IPO4: variants seen among roughly 807,000 people sequenced by gnomAD.
IPO4 encodes the protein importin-4.
A neutral mutation model predicts 133.5 loss-of-function variants in IPO4; 91 were observed. The ratio of observed to expected loss-of-function variants is 0.68; its 90% CI spans 0.58 to 0.81. IPO4 has a LOEUF of 0.81. Ranked by LOEUF, IPO4 falls within the 30% of genes least tolerant of loss-of-function variation. IPO4 has a pLI of 0.00. For synonymous variants in IPO4, 607 were observed against 581.6 expected (o/e 1.04, Z -0.63); for missense variants, 1,279 against 1,386.2 (o/e 0.92, Z 1.23).
At position 24,186,259 on chromosome 14, in the gene IPO4, TC is replaced by T. The variant is rs765234424; in HGVS notation, c.1005+27del. 3 of 1,599,482 alleles carry T rather than the reference TC, an allele frequency of 1.9e-6. No individual in the cohort carries two copies. The African/African-American group carries it at 4.0e-5, about 22-fold the overall frequency. ...AACGTCCCACAGCCACCTAACACCT[TC>T]CCCCTCTGTCCTGCCCCACATCTCA... On this transcript the variant is annotated intron_variant, in intron 10 of 29. Transcript: ENST00000354464.
chr14:24,181,701 C>T lies in IPO4; in HGVS notation c.2940+10G>A. The T allele has an allele frequency of 6.2e-7, 1 of 1,605,812 alleles. No homozygotes were observed. The highest frequency in any genetic ancestry group is 1.7e-4 in the Middle Eastern group (1 of 6,018). On this transcript the variant is annotated intron_variant, in intron 27 of 29. Coordinates refer to ENST00000354464, the MANE Select transcript of IPO4 (RefSeq NM_024658.4). ...GCTTCCAAGCCCTGCCTGATGTCTC[C>T]CTCCCTCACCTGGGGCTCTGGTTTC...
chr14:24,185,377 T>C (rs1249298238), intron 13 of IPO4, 65 bp from the exon 14 acceptor site: 2 of 1,612,508 alleles, frequency 1.2e-6, no homozygotes, highest in African/African-American at 1.3e-5. Flanking sequence ...AGAGTGCTGA[T>C]GGCAGCAGGG....
In IPO4 at chr14:24,180,446, G is replaced by A. The variant is rs1352807870; in HGVS notation, c.3242C>T (p.Ser1081Phe). The change falls in exon 30 of 30, where the codon TCC (serine) becomes TTC (phenylalanine). Residue 1081 changes from serine (S) to phenylalanine (F), a missense_variant. Physicochemically the swap from Ser to Phe is radical, Grantham distance 155 (BLOSUM62 -2). Coordinates refer to ENST00000354464, the MANE Select transcript of IPO4 (RefSeq NM_024658.4). ...GGACTGGCTGCAGCCTGCAGTCTAGGAGAGGCCCAGTACAGCCTGGAGCTC... is the reference window on the plus strand; with the variant it reads ...GGACTGGCTGCAGCCTGCAGTCTAGAAGAGGCCCAGTACAGCCTGGAGCTC... ...AQELQAVLGL[S>F] is the part of the protein sequence containing the mutation. The A allele has an allele frequency of 1.2e-6, 2 of 1,609,526 alleles. No homozygotes were observed. The highest frequency in any genetic ancestry group is 1.7e-5 in the Admixed American group (1 of 59,740).
rs189462005 is a variant in IPO4 at position 24,185,503 on chromosome 14, T to C, written c.1234A>G (p.Asn412Asp). Reference protein sequence around the residue: ...GLEDPSQVVRNAALFALGQFS... With the variant: ...GLEDPSQVVRDAALFALGQFS... The stretch of plus-strand genomic sequence containing the variant: ...TGGCCCAGGGCAAACAGCGCAGCAT[T>C]GCGTACAACTTGCGAGGGGTCCTCC... Residue 412 changes from asparagine to aspartate, a missense_variant, in exon 13 of 30, where the codon AAT becomes GAT. Physicochemically the swap from Asn to Asp is conservative, Grantham distance 23. Around this residue, in one of 3 missense-constraint regions of IPO4, gnomAD observed 695 missense variants for 704.1 expected, o/e 0.99. Coordinates refer to ENST00000354464, the MANE Select transcript of IPO4 (RefSeq NM_024658.4). 2.0e-5 allele frequency: 33 copies of C among 1,614,220 alleles called. No homozygotes were observed. The highest frequency in any genetic ancestry group is 6.7e-5 in the Admixed American group (4 of 60,032).
chr14:24,180,844 TCTTATCA>T (rs2039124631), intron 28 of IPO4, 86 bp from the exon 29 acceptor site: 3 of 1,087,440 alleles, frequency 2.8e-6, no homozygotes, highest in African/African-American at 1.6e-5. Context: ...TGGCAGAATC[TCTTATCA>T]GGGGGGTGGT....
Position 24,185,231 on chromosome 14 carries a change from G to A in IPO4, c.1360C>T (p.His454Tyr). The change falls in exon 14 of 30, where the codon CAC becomes TAC. Residue 454 changes from histidine to tyrosine, a missense_variant. Around this residue, in one of 3 missense-constraint regions of IPO4, gnomAD observed 695 missense variants for 704.1 expected, o/e 0.99. Transcript: ENST00000354464. ...AGGGCATAGCAGGCCTTGGCTAGGT[G>A]GTGTGTGTGTCCAAGAGGCACCGAC... ...LKSVPLGHTHHLAKACYALEN... is the reference protein window; with the variant it reads ...LKSVPLGHTHYLAKACYALEN... 1 of 1,614,152 alleles carries A rather than the reference G, an allele frequency of 6.2e-7. No individual in the cohort carries two copies.
chr14:24,180,273 T>C lies in IPO4; in HGVS notation c.*169A>G. On this transcript the variant is annotated 3_prime_UTR_variant, in exon 30 of 30. Transcript: ENST00000354464. ...TATTACAGTATGATGTCATGACTCA[T>C]TTGTAACAGATCCAGCCTCAGGGAC... 6.5e-7 allele frequency: 1 copy of C among 1,534,892 alleles called. No individual in the cohort carries two copies. The highest frequency in any genetic ancestry group is 1.2e-5 in the South Asian group (1 of 83,462).
chr14:24,187,103 A>C lies in IPO4; in HGVS notation c.636T>G (p.Thr212=), dbSNP rs774831338. ...LVPKLIMAMQ[T]LIPIDEAKAC... is the part of the protein sequence containing the mutation. The stretch of plus-strand genomic sequence containing the variant: ...TCCTCACCTCATCTATGGGGATCAG[A>C]GTCTGCATGGCCATGATCAGCTTGG... The change falls in exon 7 of 30, where the codon ACT becomes ACG. Residue 212 remains threonine, a synonymous_variant. Transcript: ENST00000354464. 30 of 1,613,926 alleles carry C rather than the reference A, an allele frequency of 1.9e-5. No homozygotes were observed. The African/African-American group carries it at 3.9e-4, about 21-fold the overall frequency.
At position 24,180,531 on chromosome 14, in the gene IPO4, T is replaced by C; in HGVS notation, c.3157A>G (p.Lys1053Glu). 2 of 1,614,112 alleles carry C rather than the reference T, an allele frequency of 1.2e-6. No homozygotes were observed. Among genetic ancestry groups the C allele is most frequent in the Non-Finnish European group, 1.7e-6 (2 of 1,179,990 alleles). Reference protein sequence around the residue: ...ALLLLLTFLAKQHTDSFQAAL... With the variant: ...ALLLLLTFLAEQHTDSFQAAL... Reference sequence around the variant, plus strand: ...GCTTGAAAGCTGTCGGTGTGCTGTTTGGCCAGGAACGTCAGGAGCAGCAAC... The same window carrying C: ...GCTTGAAAGCTGTCGGTGTGCTGTTCGGCCAGGAACGTCAGGAGCAGCAAC... Residue 1053 changes from lysine (K) to glutamate (E), a missense_variant, in exon 30 of 30, where the codon AAA becomes GAA. By Grantham distance (56) the Lys-to-Glu change is moderately conservative. Around this residue, in one of 3 missense-constraint regions of IPO4, gnomAD observed 575 missense variants for 653.4 expected, o/e 0.88. Coordinates refer to ENST00000354464, the MANE Select transcript of IPO4 (RefSeq NM_024658.4).
At position 24,188,332 on chromosome 14, in the gene IPO4, G is replaced by A; in HGVS notation, c.236+12C>T. 6.2e-7 allele frequency: 1 copy of A among 1,610,650 alleles called. No homozygotes were observed. The highest frequency in any genetic ancestry group is 8.5e-7 in the Non-Finnish European group (1 of 1,177,580). ...CTCCGCCTGGCCCCGCCCCACCCCA[G>A]GCCCAGCCCACCTCTCCCGTTGCTC... On this transcript the variant is annotated intron_variant, in intron 3 of 29. Transcript: ENST00000354464.
At chr14:24,188,154 A>C (rs1484396355) in intron 4 of IPO4, 62 bp downstream of exon 4, 13 of 1,555,284 alleles carry the variant, frequency 8.4e-6, no homozygotes, top group Non-Finnish European at 1.1e-5. Context: ...CTGGAGCCGA[A>C]AAGGAAGGCA....
chr14:24,184,206 C>A, intron 17 of IPO4, 92 bp downstream of exon 17: 1 of 1,558,212 alleles, frequency 6.4e-7, no homozygotes, highest in African/African-American at 1.4e-5. Flanking sequence ...CCAAACCAGA[C>A]GACTGGAGTC....
chr14:24,186,818 G>A (rs750820007), intron 8 of IPO4, 27 bp from the exon 9 acceptor site: 15 of 1,612,706 alleles, frequency 9.3e-6, no homozygotes, highest in South Asian at 4.4e-5. Context: ...AAAAATCAGC[G>A]ACAGGGAAGG....
intron 25 of IPO4, 40 bp from the exon 26 acceptor site, chr14:24,182,203 G>T: frequency 6.2e-7 from 1 of 1,613,758 alleles, no homozygotes; most frequent in Non-Finnish European, 8.5e-7. Flanking sequence ...ATCAGCCTGG[G>T]CCAAGGATAA....
intron 18 of IPO4, 26 bp downstream of exon 18, chr14:24,183,972 G>GGGGCCCCCC: frequency 1.9e-6 from 3 of 1,573,224 alleles, no homozygotes; most frequent in South Asian, 1.1e-5. Context: ...GGCAGGCCTG[G>GGGGCCCCCC]CCCAGCCCAC....
chr14:24,188,719 C>T lies in IPO4; in HGVS notation c.69G>A (p.Arg23=). ...TGGCCCGGTTACGCCTGCTCCGTAC[C>T]CGACGGATGCGCTCGGTGTCCGGTA... is the stretch of plus-strand genomic sequence containing the variant. The part of the protein sequence containing the change: ...LLLPDTERIR[R]ATEQLQIVLR... Residue 23 remains arginine (R), a splice_region_variant and synonymous_variant, in exon 1 of 30, where the codon CGG becomes CGA. Coordinates refer to ENST00000354464, the MANE Select transcript of IPO4 (RefSeq NM_024658.4). 1.3e-6 allele frequency: 2 copies of T among 1,570,294 alleles called. No individual in the cohort carries two copies. The highest frequency in any genetic ancestry group is 1.7e-6 in the Non-Finnish European group (2 of 1,155,196).
rs2138819811 is a variant in IPO4, at chr14:24,187,408, C to T, written c.580G>A (p.Glu194Lys). ...LTTMAPYLST[E>K]DVPLARMLVP... ...GAGGGCCCACATCTCACCACATCTT[C>T]AGTGCTGAGGTAGGGAGCCATGGTG... is the stretch of plus-strand genomic sequence containing the variant. Residue 194 changes from glutamate (E) to lysine (K), a missense_variant, in exon 6 of 30, where the codon GAA (glutamate) becomes AAA (lysine). Physicochemically the swap from Glu to Lys is moderately conservative, Grantham distance 56. Transcript: ENST00000354464. 6.2e-7 allele frequency: 1 copy of T among 1,614,074 alleles called. No individual in the cohort carries two copies. The highest frequency in any genetic ancestry group is 2.2e-5 in the East Asian group (1 of 44,890).
rs77893615 is a variant in IPO4, at chr14:24,183,676, A to G, written c.1986-9T>C. On this transcript the variant is annotated splice_polypyrimidine_tract_variant and intron_variant, in intron 19 of 29. Coordinates refer to ENST00000354464, the MANE Select transcript of IPO4 (RefSeq NM_024658.4). The stretch of plus-strand genomic sequence containing the variant: ...CATTCTCCACGCTGTACCTAGAGTA[A>G]GAAGGGGAGGCAGTGGTGATCAGGC... The G allele has an allele frequency of 0.028, 44,858 of 1,614,078 alleles. 2,946 individuals are homozygous for G. The highest frequency in any genetic ancestry group is 0.24 in the East Asian group (10,904 of 44,872).
intron 28 of IPO4, among the ~76,000 whole-genome samples, chr14:24,181,037 A>G (rs1470557106): frequency 6.6e-6 from 1 of 152,208 alleles, no homozygotes; most frequent in African/African-American, 2.4e-5. Context: ...CCTACACAAC[A>G]GTCTCTAAAG....
Sources: gnomAD v4.1 joint callset for allele counts (sites outside exome capture counted in the v4.1 genomes callset) on GRCh38, gnomAD v4.1.1 for gene constraint, gnomAD v4.1.1 regional missense constraint, MANE v1.5 for transcripts, NCBI Gene and HGNC (gene_info 2026-07-23, HGNC 2026-07-21) for gene names.